Variants in RSRC1 observed in about 807,000 individuals in gnomAD.
RSRC1 encodes the protein serine/Arginine-related protein 53.
RSRC1 carries 39 observed loss-of-function variants against 49.1 expected under a neutral mutation model. The ratio of observed to expected loss-of-function variants is 0.79; its 90% confidence interval spans 0.61 to 1.04. RSRC1 has a LOEUF of 1.04. RSRC1 is among the 50% of genes least tolerant of loss of function. The pLI is 0.00. For missense variants in RSRC1, 388 were observed against 402.4 expected, an observed-to-expected ratio of 0.96 and a Z score of 0.31; for synonymous variants, 143 against 130.8, an observed-to-expected ratio of 1.09 and a Z score of -0.63.
intron 3 of RSRC1, among the ~76,000 whole-genome samples, chr3:158,159,662 C>T (rs1053521126): frequency 6.6e-6 from 1 of 151,960 alleles, no homozygotes; most frequent in Non-Finnish European, 1.5e-5. Flanking sequence ...AGAGCCACTG[C>T]ATTTGAGAGT....
chr3:158,330,468 T>A (rs1257167902), intron 5 of RSRC1, among the ~76,000 whole-genome samples: 2 of 152,208 alleles, frequency 1.3e-5, no homozygotes, highest in African/African-American at 4.8e-5. Flanking sequence ...TTTTAAATGT[T>A]CTTAATATAT....
At chr3:158,248,182 C>T (rs2108007794) in intron 4 of RSRC1, among the ~76,000 whole-genome samples, 1 of 152,310 alleles carries the variant, frequency 6.6e-6, no homozygotes, top group South Asian at 2.1e-4. Flanking sequence ...TTCAGGCAAC[C>T]ACTAATGTGC....
chr3:158,385,774 A>G (rs1453126362), intron 6 of RSRC1, among the ~76,000 whole-genome samples: 1 of 152,166 alleles, frequency 6.6e-6, no homozygotes, highest in Non-Finnish European at 1.5e-5. Context: ...GTTTGGTTTC[A>G]TAGCCATTAT....
intron 7 of RSRC1, among the ~76,000 whole-genome samples, chr3:158,511,876 A>C (rs1347669490): frequency 2.0e-5 from 3 of 152,066 alleles, no homozygotes; most frequent in African/African-American, 7.3e-5. Flanking sequence ...ATGGCCAGTG[A>C]TGGTGAGCAT....
intron 6 of RSRC1, among the ~76,000 whole-genome samples, chr3:158,405,175 C>G (rs1049298505): frequency 2.6e-5 from 4 of 151,958 alleles, no homozygotes. Context: ...ATTATTAAAT[C>G]AGAAACTGAA....
Position 158,234,355 on chromosome 3 carries a change from G to A in RSRC1, c.494+31110G>A, listed in dbSNP as rs191592785. The stretch of plus-strand genomic sequence containing the variant: ...GAAACTGAAGTTTAGCTTCCACCTT[G>A]TGATAGCAATGATTATGTAAATTTT... On this transcript the variant is annotated intron_variant, in intron 4 of 9. Coordinates refer to ENST00000611884, the MANE Select transcript of RSRC1 (RefSeq NM_001271838.2). 3.3e-5 allele frequency among the ~76,000 whole-genome samples: 5 copies of A among 152,250 alleles called. No individual in the cohort carries two copies. In the East Asian group the frequency reaches 9.6e-4, roughly 29 times the overall value.
chr3:158,525,438 C>G (rs1711952501), intron 7 of RSRC1, among the ~76,000 whole-genome samples: 1 of 151,944 alleles, frequency 6.6e-6, no homozygotes, highest in Non-Finnish European at 1.5e-5. Context: ...CAGTACTCTT[C>G]TACACTGCTG....
chr3:158,172,698 GTCA>G (rs907980384), intron 3 of RSRC1, among the ~76,000 whole-genome samples: 66 of 152,220 alleles, frequency 4.3e-4, no homozygotes, highest in African/African-American at 1.5e-3. Flanking sequence ...CTATTCACAT[GTCA>G]TCATCTTTTA....
intron 6 of RSRC1, among the ~76,000 whole-genome samples, chr3:158,372,284 T>C (rs908379041): frequency 2.0e-5 from 3 of 151,790 alleles, no homozygotes; most frequent in African/African-American, 4.8e-5. Flanking sequence ...TCTTCTAGAG[T>C]TTTTATAGTT....
chr3:158,304,387 C>A (rs1322891274), intron 5 of RSRC1, among the ~76,000 whole-genome samples: 1 of 152,052 alleles, frequency 6.6e-6, no homozygotes, highest in South Asian at 2.1e-4. Context: ...CAAGCATAAA[C>A]ACAGTTAATG....
chr3:158,342,796 C>T (rs531693737), intron 5 of RSRC1, among the ~76,000 whole-genome samples: 4 of 152,182 alleles, frequency 2.6e-5, no homozygotes, highest in Non-Finnish European at 5.9e-5. Flanking sequence ...AAACAGCTCT[C>T]GAGACAGTGA....
intron 6 of RSRC1, among the ~76,000 whole-genome samples, chr3:158,450,610 G>A (rs1736973258): frequency 1.3e-5 from 2 of 151,876 alleles, no homozygotes; most frequent in Admixed American, 1.3e-4. Context: ...AGAGGTACCT[G>A]AGGAGAGCTG....
At chr3:158,470,321 A>AAC (rs375305594) in intron 7 of RSRC1, among the ~76,000 whole-genome samples, 5,882 of 136,766 alleles carry the variant, frequency 0.043, 134 homozygotes, top group East Asian at 0.13. Context: ...TGCTCTTAGA[A>AAC]ACACACACAC....
chr3:158,186,135 C>T (rs998610463), intron 3 of RSRC1, among the ~76,000 whole-genome samples: 15 of 151,892 alleles, frequency 9.9e-5, no homozygotes, highest in African/African-American at 2.2e-4. Context: ...AAACAATAAA[C>T]GCCGTTTTAA....
rs1738766547 is a variant in RSRC1, at chr3:158,485,136, T to A, written c.652+24133T>A. On this transcript the variant is annotated intron_variant, in intron 7 of 9. Transcript: ENST00000611884. ...CATTATGATTCCAGAAAGATTCTAA[T>A]TATTTTCTCCTGGTAACCTAAGAAT... Among the ~76,000 whole-genome samples, 2 of 152,212 alleles carry A rather than the reference T, an allele frequency of 1.3e-5. 1 individual carries two copies. Among genetic ancestry groups the A allele is most frequent in the Middle Eastern group, 6.8e-3 (2 of 294 alleles).
chr3:158,508,685 A>G (rs1739998876), intron 7 of RSRC1, among the ~76,000 whole-genome samples: 1 of 152,182 alleles, frequency 6.6e-6, no homozygotes, highest in African/African-American at 2.4e-5. Context: ...TCACACATGA[A>G]CCATCTCTTT....
chr3:158,496,703 C>A, intron 7 of RSRC1: 1 of 239,196 alleles, frequency 4.2e-6, no homozygotes, highest in South Asian at 5.7e-5. Context: ...TTGCATCCAG[C>A]TTTGGTCTGT....
At chr3:158,482,034 T>A (rs1004998337) in intron 7 of RSRC1, among the ~76,000 whole-genome samples, 2 of 152,066 alleles carry the variant, frequency 1.3e-5, no homozygotes, top group Non-Finnish European at 2.9e-5. Flanking sequence ...CAGAATTTGA[T>A]TCTTTTAATC....
chr3:158,114,055 C>A (rs887564779), intron 1 of RSRC1, among the ~76,000 whole-genome samples: 4 of 152,082 alleles, frequency 2.6e-5, no homozygotes, highest in Admixed American at 2.6e-4. Flanking sequence ...ACGTTTTTGC[C>A]ATGAAATCTT....
Sources: gnomAD v4.1 joint callset for allele counts (sites outside exome capture counted in the v4.1 genomes callset) on GRCh38, gnomAD v4.1.1 for gene constraint, MANE v1.5 for transcripts, NCBI Gene and HGNC (gene_info 2026-07-23, HGNC 2026-07-21) for gene names.